The following C17orf78 variants were observed in gnomAD, a reference collection of about 807,000 sequenced individuals.
The protein encoded by C17orf78 is chromosome 17 open reading frame 78.
Under a neutral mutation model 31.8 loss-of-function variants are expected in C17orf78, and 27 were observed. The observed-to-expected ratio is 0.85, with a 90% CI of 0.63 to 1.17. The LOEUF is 1.17. Among genes scored for constraint, C17orf78 ranks in the 50% most tolerant of loss-of-function variants. The pLI is 0.00. For synonymous variants in C17orf78, 106 were observed against 115.1 expected, an observed-to-expected ratio of 0.92 and a Z score of 0.51; for missense variants, 258 against 315.2, an observed-to-expected ratio of 0.82 and a Z score of 1.37.
chr17:37,390,165 T>C (rs1290952138), intron 6 of C17orf78, among the ~76,000 whole-genome samples: 13,473 of 56,610 alleles, frequency 0.24, 2,457 homozygotes, highest in East Asian at 0.77. Context: ...TATATATATA[T>C]ATATATATAT....
chr17:37,384,986 G>T (rs1307110988), intron 3 of C17orf78, among the ~76,000 whole-genome samples: 4 of 152,178 alleles, frequency 2.6e-5, no homozygotes, highest in Admixed American at 2.0e-4. Context: ...ATTGGATTAG[G>T]TCAATTCTGG....
intron 2 of C17orf78, 117 bp from the exon 3 acceptor site, chr17:37,379,020 C>T (rs2050127851): frequency 8.0e-7 from 1 of 1,249,056 alleles, no homozygotes. Flanking sequence ...TGGAGTGAGC[C>T]ATGATTGCGA....
chr17:37,391,617 T>A, intron 6 of C17orf78, 30 bp from the exon 7 acceptor site: 3 of 1,601,666 alleles, frequency 1.9e-6, no homozygotes, highest in Middle Eastern at 3.3e-4. Context: ...GCATCCTTTT[T>A]TAACTTTCAT....
intron 6 of C17orf78, among the ~76,000 whole-genome samples, chr17:37,390,330 A>ATC (rs1555672372): frequency 0.023 from 939 of 41,542 alleles, 244 homozygotes; most frequent in African/African-American, 0.11. Context: ...ATATATATAT[A>ATC]TATAAAAGGC....
chr17:37,382,762 A>C (rs1300623856), intron 3 of C17orf78, among the ~76,000 whole-genome samples: 2 of 152,224 alleles, frequency 1.3e-5, no homozygotes, highest in African/African-American at 4.8e-5. Context: ...CAGGAGGCTG[A>C]GACAGAAGAA....
At chr17:37,389,443 T>A in intron 6 of C17orf78, 81 bp downstream of exon 6, 1 of 1,499,744 alleles carries the variant, frequency 6.7e-7, no homozygotes, top group African/African-American at 1.4e-5. Context: ...ACACCTCTAT[T>A]CCCAGCACTT....
rs76855979 is a variant in C17orf78 at position 37,378,412 on chromosome 17, C to T, written c.145+447C>T. Among the ~76,000 whole-genome samples the T allele has an allele frequency of 1.0e-3, 155 of 152,234 alleles. 2 individuals are homozygous for T. The East Asian group carries it at 0.015, about 15-fold the overall frequency. The stretch of plus-strand genomic sequence containing the variant: ...GGAAATGGGTTAGCTTGGCACTGTT[C>T]AGATTAAAAACCAGCTTTGGCCAGG... On this transcript the variant is annotated intron_variant, in intron 2 of 6. Coordinates refer to ENST00000615133, the MANE Select transcript of C17orf78 (RefSeq NM_173625.5).
intron 5 of C17orf78, 103 bp downstream of exon 5, chr17:37,388,897 TGAG>T (rs1372001827): frequency 2.3e-5 from 32 of 1,420,290 alleles, no homozygotes; most frequent in South Asian, 2.2e-4. Flanking sequence ...CTTTGGAATT[TGAG>T]GAGATGTGCC....
intron 4 of C17orf78, chr17:37,387,124 C>T (rs2050573979): frequency 6.6e-6 from 1 of 151,340 alleles, no homozygotes; most frequent in Admixed American, 6.6e-5. Context: ...TCCCCAAGAG[C>T]ATATATTTGT....
Position 37,390,330 on chromosome 17 carries a change from A to ATTATATATATATATATATATATC in C17orf78, c.750+969_750+970insTATATATATATATATATATATCT, listed in dbSNP as rs1555672372. 1.6e-3 allele frequency among the ~76,000 whole-genome samples: 66 copies of ATTATATATATATATATATATATC among 41,574 alleles called. 8 individuals are homozygous for ATTATATATATATATATATATATC. Among genetic ancestry groups the ATTATATATATATATATATATATC allele is most frequent in the African/African-American group, 8.3e-3 (65 of 7,834 alleles). 27.3% of individuals were successfully genotyped at this position (41,574 alleles called of 152,430 possible). On this transcript the variant is annotated intron_variant, in intron 6 of 6. Transcript: ENST00000615133. ...TATATATATATATATATATATATAT[A>ATTATATATATATATATATATATC]TATAAAAGGCCAGCTGGGCCGGGCA...
At chr17:37,381,834 G>A (rs113814552) in intron 3 of C17orf78, among the ~76,000 whole-genome samples, 15,411 of 151,406 alleles carry the variant, frequency 0.1, 1,065 homozygotes, top group African/African-American at 0.18. Context: ...TCACCGTGTT[G>A]GCCAGGATGG....
chr17:37,389,878 T>C (rs1156554376), intron 6 of C17orf78, among the ~76,000 whole-genome samples: 1 of 151,398 alleles, frequency 6.6e-6, no homozygotes, highest in African/African-American at 2.4e-5. Flanking sequence ...ATCCTACTGT[T>C]TTCCTAACAT....
intron 3 of C17orf78, among the ~76,000 whole-genome samples, chr17:37,383,859 C>A (rs113424662): frequency 2.0e-5 from 3 of 152,110 alleles, no homozygotes; most frequent in Non-Finnish European, 4.4e-5. Context: ...TCCAAAACAA[C>A]CAATTTATGT....
chr17:37,376,193 A>G, intron 1 of C17orf78, 43 bp downstream of exon 1: 1 of 1,530,212 alleles, frequency 6.5e-7, no homozygotes, highest in South Asian at 1.1e-5. Context: ...ATACAGAGAG[A>G]GGCCTAGAAA....
chr17:37,388,594 C>T (rs1568092064), intron 4 of C17orf78, 76 bp from the exon 5 acceptor site: 20 of 1,500,464 alleles, frequency 1.3e-5, no homozygotes, highest in Middle Eastern at 1.7e-4. Flanking sequence ...GCCAGAAGAA[C>T]TTCAGGTCAA....
chr17:37,390,330 A>ATATATCTATATATCTATATATC (rs1386032855), intron 6 of C17orf78, among the ~76,000 whole-genome samples: 450 of 41,580 alleles, frequency 0.011, 23 homozygotes, highest in East Asian at 0.025. Flanking sequence ...ATATATATAT[A>ATATATCTATATATCTATATATC]TATAAAAGGC....
At chr17:37,381,863 G>A (rs911176438) in intron 3 of C17orf78, among the ~76,000 whole-genome samples, 7 of 150,480 alleles carry the variant, frequency 4.7e-5, no homozygotes, top group African/African-American at 1.2e-4. Context: ...GCCTGACCTT[G>A]TGATCTGCCC....
At chr17:37,386,657 A>G (rs988078790) in intron 4 of C17orf78, among the ~76,000 whole-genome samples, 20 of 152,156 alleles carry the variant, frequency 1.3e-4, no homozygotes, top group African/African-American at 4.3e-4. Flanking sequence ...GACACCATCA[A>G]TGATCATTTA....
intron 4 of C17orf78, among the ~76,000 whole-genome samples, chr17:37,388,096 T>C (rs556681121): frequency 1.3e-5 from 2 of 152,126 alleles, no homozygotes; most frequent in South Asian, 2.1e-4. Context: ...GCCTGGGAGA[T>C]TGAGGCTGAA....
Sources: gnomAD v4.1 joint callset for allele counts (sites outside exome capture counted in the v4.1 genomes callset) on GRCh38, gnomAD v4.1.1 for gene constraint, MANE v1.5 for transcripts, NCBI Gene and HGNC (gene_info 2026-07-23, HGNC 2026-07-21) for gene names.